The following CNGB3 variants were observed in gnomAD, a reference collection of about 807,000 sequenced individuals.
The protein encoded by CNGB3 is cyclic nucleotide-gated channel beta-3.
A neutral mutation model predicts 92.8 loss-of-function variants in CNGB3; 86 were observed. The ratio of observed to expected loss-of-function variants is 0.93; its 90% CI spans 0.78 to 1.11. The LOEUF (loss-of-function observed/expected upper bound fraction) is 1.11. Among genes scored for constraint, CNGB3 ranks in the 50% least tolerant of loss-of-function variants. CNGB3 has a pLI of 0.00. For missense variants in CNGB3, 1,026 were observed against 956.8 expected, an observed-to-expected ratio of 1.07 and a Z score of -0.95; for synonymous variants, 333 against 332.7, an observed-to-expected ratio of 1.00 and a Z score of -0.01.
At chr8:86,719,410 C>A (rs1824923765) in intron 3 of CNGB3, among the ~76,000 whole-genome samples, 1 of 152,070 alleles carries the variant, frequency 6.6e-6, no homozygotes, top group African/African-American at 2.4e-5. Flanking sequence ...AGAACTCGAT[C>A]CCCTTTACAG....
intron 13 of CNGB3, among the ~76,000 whole-genome samples, chr8:86,618,759 G>C (rs1438065339): frequency 6.6e-6 from 1 of 152,228 alleles, no homozygotes; most frequent in Non-Finnish European, 1.5e-5. Flanking sequence ...AAGTCTCACT[G>C]TAGTCTCACT....
intron 6 of CNGB3, chr8:86,659,564 GTCT>G (rs1002884869): frequency 2.1e-5 from 12 of 566,342 alleles, no homozygotes; most frequent in Non-Finnish European, 3.7e-5. Context: ...TTGTATTTGT[GTCT>G]TCTTCTGCTA....
chr8:86,575,621 T>G lies in CNGB3; in HGVS notation c.*183A>C, dbSNP rs1199541859. ...AACGGAGAATAGGGATGGCTTTTAATAATCTTCTTATTACCACTGCATGAA... is the reference window on the plus strand; with the variant it reads ...AACGGAGAATAGGGATGGCTTTTAAGAATCTTCTTATTACCACTGCATGAA... On this transcript the variant is annotated 3_prime_UTR_variant, in exon 18 of 18. Transcript: ENST00000320005. 1.3e-5 allele frequency: 7 copies of G among 535,974 alleles called. No homozygotes were observed. The highest frequency in any genetic ancestry group is 1.9e-5 in the African/African-American group (1 of 51,598). The allele number at this position is 535,974 out of a possible 1,614,324, so 33.2% of individuals were successfully genotyped here.
intron 3 of CNGB3, among the ~76,000 whole-genome samples, chr8:86,713,423 C>G (rs1824787316): frequency 6.6e-6 from 1 of 152,156 alleles, no homozygotes; most frequent in South Asian, 2.1e-4. Flanking sequence ...GGAGATTTTA[C>G]AGTGCACTTT....
intron 6 of CNGB3, chr8:86,659,032 C>A (rs2131607533): frequency 1.0e-6 from 1 of 976,696 alleles, no homozygotes; most frequent in Non-Finnish European, 1.6e-6. Flanking sequence ...TCGGCCTCCA[C>A]TTATAGCTGC....
chr8:86,741,661 G>A (rs1162700469), intron 1 of CNGB3, among the ~76,000 whole-genome samples: 1 of 150,792 alleles, frequency 6.6e-6, no homozygotes, highest in Non-Finnish European at 1.5e-5. Flanking sequence ...ATGAGACTCT[G>A]TCTCAAAAAA....
At chr8:86,612,598 A>T (rs192472524) in intron 13 of CNGB3, among the ~76,000 whole-genome samples, 223 of 152,320 alleles carry the variant, frequency 1.5e-3, no homozygotes, top group Non-Finnish European at 2.9e-3. Context: ...AGTTTTCTGT[A>T]ACAGCTTCAG....
In CNGB3 at chr8:86,692,732, A is replaced by C. The variant is rs1318412933; in HGVS notation, c.339-21634T>G. 3.9e-5 allele frequency among the ~76,000 whole-genome samples: 6 copies of C among 152,154 alleles called. No individual in the cohort carries two copies. In the East Asian group the frequency reaches 9.6e-4, roughly 24 times the overall value. ...ATTTAGGCCATTTACATTCAATATT[A>C]GTATTGACATGTGAGGTAGGTACTG... On this transcript the variant is annotated intron_variant, in intron 3 of 17. Coordinates refer to ENST00000320005, the MANE Select transcript of CNGB3 (RefSeq NM_019098.5).
At chr8:86,609,043 C>T (rs1470506431) in intron 14 of CNGB3, among the ~76,000 whole-genome samples, 1 of 152,194 alleles carries the variant, frequency 6.6e-6, no homozygotes, top group African/African-American at 2.4e-5. Context: ...CCTGCACTCT[C>T]CCACCTACTT....
At chr8:86,634,509 A>T (rs886856881) in intron 10 of CNGB3, among the ~76,000 whole-genome samples, 9 of 152,110 alleles carry the variant, frequency 5.9e-5, no homozygotes, top group African/African-American at 2.2e-4. Context: ...GCACTTAGGC[A>T]TACTATCTGG....
chr8:86,647,878 C>G lies in CNGB3; in HGVS notation c.913G>C (p.Ala305Pro), dbSNP rs144637286. The change falls in exon 8 of 18, where the codon GCA becomes CCA. Residue 305 changes from alanine to proline, a missense_variant. Transcript: ENST00000320005. ...RTSTKFQLDVASIIPFDICYL... is the reference protein window; with the variant it reads ...RTSTKFQLDVPSIIPFDICYL... ...CAAATATCAAATGGTATTATTGATG[C>G]GACATCCAACTGTTGAAAGAACACA... 1 of 1,584,070 alleles carries G rather than the reference C, an allele frequency of 6.3e-7. No homozygotes were observed. The highest frequency in any genetic ancestry group is 8.7e-7 in the Non-Finnish European group (1 of 1,153,654).
intron 6 of CNGB3, chr8:86,659,212 G>A (rs1032328803): frequency 9.5e-5 from 69 of 723,872 alleles, no homozygotes; most frequent in Middle Eastern, 2.4e-4. Context: ...CTCTGCTACC[G>A]CATGGCCCTC....
intron 4 of CNGB3, among the ~76,000 whole-genome samples, chr8:86,668,665 AAAAT>A (rs1446325404): frequency 4.1e-5 from 6 of 146,828 alleles, no homozygotes; most frequent in Non-Finnish European, 8.9e-5. Context: ...AACAATTTTT[AAAAT>A]AAATAAATGT....
chr8:86,578,924 T>TA (rs904507812), intron 16 of CNGB3, 61 bp from the exon 17 acceptor site: 87 of 1,603,422 alleles, frequency 5.4e-5, no homozygotes, highest in Non-Finnish European at 6.9e-5. Context: ...CAAAATCTAC[T>TA]AAAAAAACTG....
intron 15 of CNGB3, among the ~76,000 whole-genome samples, chr8:86,583,569 G>C (rs1425025103): frequency 6.6e-6 from 1 of 152,042 alleles, no homozygotes; most frequent in Admixed American, 6.6e-5. Flanking sequence ...CTTCAAACTT[G>C]GCCACTTACC....
intron 2 of CNGB3, among the ~76,000 whole-genome samples, chr8:86,727,588 A>G (rs1207964728): frequency 6.6e-6 from 1 of 152,154 alleles, no homozygotes; most frequent in Non-Finnish European, 1.5e-5. Context: ...ATTGTAATTT[A>G]CCCAGAGAAT....
At chr8:86,651,159 G>C (rs541121247) in intron 7 of CNGB3, among the ~76,000 whole-genome samples, 16 of 151,524 alleles carry the variant, frequency 1.1e-4, no homozygotes, top group African/African-American at 1.9e-4. Context: ...AGACCAGAAG[G>C]GGGGGTGTGT....
chr8:86,671,076 C>A lies in CNGB3; in HGVS notation c.361G>T (p.Ala121Ser). ...PNSPQNKPPA[A>S]PVINEYADAQ... ...TCGGCATACTCATTTATAACAGGAG[C>A]TGCAGGCGGTTTGTTTTGTGGGCTA... Residue 121 changes from alanine to serine, a missense_variant, in exon 4 of 18, where the codon GCT becomes TCT. Ala to Ser is a moderately conservative substitution (Grantham distance 99). Transcript: ENST00000320005. The A allele has an allele frequency of 1.2e-6, 2 of 1,613,778 alleles. No homozygotes were observed. Among genetic ancestry groups the A allele is most frequent in the Non-Finnish European group, 1.7e-6 (2 of 1,179,982 alleles).
At chr8:86,614,636 A>G (rs1305065036) in intron 13 of CNGB3, among the ~76,000 whole-genome samples, 1 of 152,028 alleles carries the variant, frequency 6.6e-6, no homozygotes, top group Non-Finnish European at 1.5e-5. Flanking sequence ...TTTCCAGTAG[A>G]GGGTTTTCCT....
Sources: allele counts gnomAD v4.1 joint callset (sites outside exome capture counted in the v4.1 genomes callset), GRCh38; gene constraint gnomAD v4.1.1; transcripts MANE v1.5; gene names NCBI Gene and HGNC (gene_info 2026-07-23, HGNC 2026-07-21).